The following AMOTL1 variants were observed in gnomAD, a reference collection of about 807,000 sequenced individuals.
The protein encoded by AMOTL1 is angiomotin like 1.
In AMOTL1, 45 loss-of-function variants were observed where a neutral mutation model predicts 102.9. That is an observed-to-expected ratio of 0.44 (90% CI 0.34 to 0.56). The LOEUF is 0.56. Ranked by LOEUF, AMOTL1 falls within the 20% of genes least tolerant of loss-of-function variation. The probability of loss-of-function intolerance (pLI) is 0.01; values close to 1 mark genes in which losing one functional copy is unlikely to be tolerated. For synonymous variants in AMOTL1, 481 were observed against 484.7 expected, an observed-to-expected ratio of 0.99 and a Z score of 0.10; for missense variants, 1,114 against 1,225.6, an observed-to-expected ratio of 0.91 and a Z score of 1.36.
At chr11:94,759,946 T>G (rs1950771779) in intron 3 of AMOTL1, among the ~76,000 whole-genome samples, 1 of 152,236 alleles carries the variant, frequency 6.6e-6, no homozygotes. Context: ...ACAAGCAGCA[T>G]CAGCACAATC....
chr11:94,766,785 A>C (rs1950860041), upstream of AMOTL1, among the ~76,000 whole-genome samples: 1 of 152,204 alleles, frequency 6.6e-6, no homozygotes, highest in African/African-American at 2.4e-5. Flanking sequence ...CAAGTCATTC[A>C]ACAGCTATGC....
Position 94,873,244 on chromosome 11 carries a change from G to A in AMOTL1, c.*2449G>A, listed in dbSNP as rs375580385. ...CATCGCCATGTTTCAGGGCTTCAAC[G>A]GCATTGTATTTTGGACTTTGACCGT... On this transcript the variant is annotated 3_prime_UTR_variant, in exon 13 of 13. Coordinates refer to ENST00000433060, the MANE Select transcript of AMOTL1 (RefSeq NM_130847.3). 1 of 152,084 alleles carries A rather than the reference G, an allele frequency of 6.6e-6. No homozygotes were observed. Among genetic ancestry groups the A allele is most frequent in the South Asian group, 2.1e-4 (1 of 4,808 alleles). 9.4% of individuals were successfully genotyped at this position (152,084 alleles called of 1,614,324 possible).
chr11:94,834,993 G>T (rs533825287), intron 6 of AMOTL1, among the ~76,000 whole-genome samples: 1 of 152,272 alleles, frequency 6.6e-6, no homozygotes, highest in African/African-American at 2.4e-5. Context: ...ACATGAAACA[G>T]GCTCATTGTA....
rs1321676548 is a variant in AMOTL1 at position 94,859,504 on chromosome 11, AT to A, written c.1945-13del. 6 of 1,598,150 alleles carry A rather than the reference AT, an allele frequency of 3.8e-6. No homozygotes were observed. Among genetic ancestry groups the A allele is most frequent in the East Asian group, 2.2e-5 (1 of 44,644 alleles). ...CATTGATGTGGTTTTGAGCATCAAG[AT>A]TTTTTTTCTACTCCTTCAGAAACAT... On this transcript the variant is annotated intron_variant, in intron 8 of 12. Coordinates refer to ENST00000433060, the MANE Select transcript of AMOTL1 (RefSeq NM_130847.3).
intron 5 of AMOTL1, 136 bp from the exon 6 acceptor site, chr11:94,831,316 C>A: frequency 1.6e-6 from 1 of 609,690 alleles, no homozygotes; most frequent in Non-Finnish European, 2.9e-6. Context: ...TACTGTCTGT[C>A]CCCAAGTTGT....
At chr11:94,811,854 G>A (rs947384551) in intron 3 of AMOTL1, among the ~76,000 whole-genome samples, 7 of 152,178 alleles carry the variant, frequency 4.6e-5, no homozygotes, top group African/African-American at 1.7e-4. Flanking sequence ...GTGGGGCTCA[G>A]GCTAATGACT....
intron 1 of AMOTL1, among the ~76,000 whole-genome samples, chr11:94,711,675 A>T (rs1399938302): frequency 6.6e-6 from 1 of 152,174 alleles, no homozygotes; most frequent in Non-Finnish European, 1.5e-5. Flanking sequence ...AATGTTATAT[A>T]GTCATGCATT....
chr11:94,757,212 T>C (rs974697110), intron 3 of AMOTL1, among the ~76,000 whole-genome samples: 1 of 152,006 alleles, frequency 6.6e-6, no homozygotes, highest in African/African-American at 2.4e-5. Context: ...GGTAAGAAAA[T>C]GGCTAACAGG....
At chr11:94,833,466 C>A (rs756128776) in intron 6 of AMOTL1, among the ~76,000 whole-genome samples, 1 of 152,156 alleles carries the variant, frequency 6.6e-6, no homozygotes, top group Non-Finnish European at 1.5e-5. Flanking sequence ...GATATTTTCT[C>A]CAGTTGTTTT....
chr11:94,728,597 T>C (rs1231706468), intron 1 of AMOTL1, among the ~76,000 whole-genome samples: 1 of 152,152 alleles, frequency 6.6e-6, no homozygotes, highest in Non-Finnish European at 1.5e-5. Context: ...ATCTTTTAAA[T>C]AAAATTGAGA....
intron 3 of AMOTL1, among the ~76,000 whole-genome samples, chr11:94,743,924 A>C (rs1301147075): frequency 6.6e-6 from 1 of 152,044 alleles, no homozygotes; most frequent in Non-Finnish European, 1.5e-5. Flanking sequence ...CGGCCTCCCA[A>C]AGTGCTAGGA....
intron 6 of AMOTL1, among the ~76,000 whole-genome samples, chr11:94,842,394 C>T (rs1952322188): frequency 1.3e-5 from 2 of 152,228 alleles, no homozygotes; most frequent in African/African-American, 4.8e-5. Context: ...GAGAACCACA[C>T]TCAAAAGAAC....
At chr11:94,747,972 G>T (rs1950609306) in intron 3 of AMOTL1, among the ~76,000 whole-genome samples, 1 of 152,146 alleles carries the variant, frequency 6.6e-6, no homozygotes, top group Non-Finnish European at 1.5e-5. Flanking sequence ...GAAAAATGTA[G>T]TCTAGTTATA....
chr11:94,807,466 G>A (rs1424561854), intron 3 of AMOTL1, among the ~76,000 whole-genome samples: 1 of 151,992 alleles, frequency 6.6e-6, no homozygotes, highest in East Asian at 1.9e-4. Context: ...TAATGTACAT[G>A]TATTATTTAG....
At chr11:94,784,912 C>T (rs1012220232) in intron 1 of AMOTL1, among the ~76,000 whole-genome samples, 3 of 151,192 alleles carry the variant, frequency 2.0e-5, no homozygotes, top group Non-Finnish European at 4.4e-5. Flanking sequence ...GTTTCTGACA[C>T]ACTGTAAGTT....
rs1341679553 is a variant in AMOTL1 at position 94,850,204 on chromosome 11, T to C, written c.1739T>C (p.Ile580Thr). 6.3e-7 allele frequency: 1 copy of C among 1,595,750 alleles called. No individual in the cohort carries two copies. Among genetic ancestry groups the C allele is most frequent in the Non-Finnish European group, 8.5e-7 (1 of 1,170,972 alleles). The change falls in exon 7 of 13, where the codon ATC (isoleucine) becomes ACC (threonine). Residue 580 changes from isoleucine (I) to threonine (T), a missense_variant. By Grantham distance (89) the Ile-to-Thr change is moderately conservative. Coordinates refer to ENST00000433060, the MANE Select transcript of AMOTL1 (RefSeq NM_130847.3). ...ASEDHRRHIEILDQALSNAQA... is the reference protein window; with the variant it reads ...ASEDHRRHIETLDQALSNAQA... ...GAGGACCATCGGAGACACATCGAGA[T>C]CCTGGACCAGGCTTTGAGCAACGCC...
chr11:94,750,225 C>G (rs1950635586), intron 3 of AMOTL1, among the ~76,000 whole-genome samples: 1 of 152,192 alleles, frequency 6.6e-6, no homozygotes, highest in Admixed American at 6.5e-5. Flanking sequence ...TTTGCATGCA[C>G]AGAGTCAGTT....
At chr11:94,710,715 A>G (rs1950010745) in intron 1 of AMOTL1, among the ~76,000 whole-genome samples, 1 of 152,176 alleles carries the variant, frequency 6.6e-6, no homozygotes, top group Non-Finnish European at 1.5e-5. Flanking sequence ...ATCACACTGA[A>G]TATTTACATT....
chr11:94,843,322 T>G (rs559402644), intron 6 of AMOTL1, among the ~76,000 whole-genome samples: 51 of 151,976 alleles, frequency 3.4e-4, no homozygotes, highest in Admixed American at 5.2e-4. Context: ...TTGGATTCTA[T>G]TTTTTTTGAG....
Sources: allele counts gnomAD v4.1 joint callset (sites outside exome capture counted in the v4.1 genomes callset), GRCh38; gene constraint gnomAD v4.1.1; transcripts MANE v1.5; gene names NCBI Gene and HGNC (gene_info 2026-07-23, HGNC 2026-07-21).